The following TOR1B variants were observed in gnomAD, a reference collection of about 807,000 sequenced individuals.
TOR1B encodes the protein torsin-1B.
A neutral mutation model predicts 29.2 loss-of-function variants in TOR1B; 14 were observed. The observed-to-expected ratio is 0.48, with a 90% confidence interval of 0.32 to 0.75. The LOEUF is 0.75. Among genes scored for constraint, TOR1B ranks in the 30% least tolerant of loss-of-function variants. The pLI, the probability that TOR1B is intolerant of heterozygous loss-of-function variation, is 0.04. For synonymous variants in TOR1B, 166 were observed against 179.8 expected, an observed-to-expected ratio of 0.92 and a Z score of 0.62; for missense variants, 400 against 433.9, an observed-to-expected ratio of 0.92 and a Z score of 0.69.
chr9:129,803,416 G>GGC lies in TOR1B; in HGVS notation c.199+15_199+16dup, dbSNP rs746773468. 8.6e-6 allele frequency: 13 copies of GGC among 1,518,266 alleles called. No individual in the cohort carries two copies. Among genetic ancestry groups the GGC allele is most frequent in the African/African-American group, 4.3e-5 (3 of 69,860 alleles). 94.0% of individuals were successfully genotyped at this position (1,518,266 alleles called of 1,614,324 possible). On this transcript the variant is annotated splice_donor_region_variant and intron_variant, in intron 1 of 4. Transcript: ENST00000259339. ...AGCGGCCGCTCAACGCTTCGGGTAC[G>GGC]GCGCGCGCGCGAGCTGTGGGTCGGC...
At chr9:129,803,967 T>C in intron 1 of TOR1B, 106 bp from the exon 2 acceptor site, 1 of 1,477,510 alleles carries the variant, frequency 6.8e-7, no homozygotes, top group South Asian at 1.3e-5. Flanking sequence ...CCCTGCTGTG[T>C]CCCTGGATAA....
chr9:129,804,004 A>T, intron 1 of TOR1B, 69 bp from the exon 2 acceptor site: 1 of 1,591,090 alleles, frequency 6.3e-7, no homozygotes, highest in Non-Finnish European at 8.6e-7. Context: ...TGGCCAGCTA[A>T]GAAAGTGCTG....
Position 129,810,660 on chromosome 9 carries a change from C to G in TOR1B, c.*1077C>G, listed in dbSNP as rs529353272. 25 of 179,140 alleles carry G rather than the reference C, an allele frequency of 1.4e-4. No homozygotes were observed. The highest frequency in any genetic ancestry group is 5.4e-4 in the South Asian group (4 of 7,444). The allele number at this position is 179,140 out of a possible 1,614,324, so 11.1% of individuals were successfully genotyped here. A position where few individuals can be genotyped will look rare whatever the true frequency, so the allele number is the denominator to read the frequency against. On this transcript the variant is annotated 3_prime_UTR_variant, in exon 5 of 5. Coordinates refer to ENST00000259339, the MANE Select transcript of TOR1B (RefSeq NM_014506.3). ...AATCTCTCACTTTATTTTGTAGAAC[C>G]ATTTGAAATCCTAGGATGTGCTTGT...
Position 129,810,333 on chromosome 9 carries a change from A to AC in TOR1B, c.*752dup. 1 of 1,107,464 alleles carries AC rather than the reference A, an allele frequency of 9.0e-7. No homozygotes were observed. Among genetic ancestry groups the AC allele is most frequent in the Non-Finnish European group, 1.2e-6 (1 of 848,658 alleles). The allele number at this position is 1,107,464 out of a possible 1,614,324, so 68.6% of individuals were successfully genotyped here. ...CGCCGAGCACTCTTGATCTGAGCTG[A>AC]CCTGTGTGTGTGTGTGTGGGGGGGT... On this transcript the variant is annotated 3_prime_UTR_variant, in exon 5 of 5. Transcript: ENST00000259339.
intron 4 of TOR1B, 63 bp from the exon 5 acceptor site, chr9:129,809,279 C>A: frequency 6.2e-7 from 1 of 1,606,422 alleles, no homozygotes; most frequent in South Asian, 1.1e-5. Context: ...TGCTGAGGGT[C>A]GGGACTGGAG....
chr9:129,803,794 T>A (rs1376276413), intron 1 of TOR1B, among the ~76,000 whole-genome samples: 1 of 152,190 alleles, frequency 6.6e-6, no homozygotes, highest in African/African-American at 2.4e-5. Flanking sequence ...TTCCTGCAGG[T>A]CAGCAAGGGT....
At chr9:129,808,849 G>A (rs2030658554) in intron 3 of TOR1B, 56 bp from the exon 4 acceptor site, 2 of 1,603,260 alleles carry the variant, frequency 1.2e-6, no homozygotes, top group East Asian at 4.5e-5. Flanking sequence ...ACCACACCCA[G>A]CAGACACAGA....
chr9:129,803,524 C>A, intron 1 of TOR1B, 113 bp downstream of exon 1: 1 of 1,108,594 alleles, frequency 9.0e-7, no homozygotes, highest in Non-Finnish European at 1.1e-6. Context: ...GGCATCTAGA[C>A]GGCGGTGGTC....
chr9:129,803,200 T>C lies in TOR1B; in HGVS notation c.-13T>C, dbSNP rs576450886. The C allele has an allele frequency of 4.6e-4, 672 of 1,451,364 alleles. No homozygotes were observed. The highest frequency in any genetic ancestry group is 5.6e-4 in the Non-Finnish European group (622 of 1,107,196). The allele number at this position is 1,451,364 out of a possible 1,614,324, so 89.9% of individuals were successfully genotyped here. The stretch of plus-strand genomic sequence containing the variant: ...GCCTGGCTCAGTGGCTTCTGCGGGC[T>C]TCGAGGAGCGGGATGTTGCGGGCTG... On this transcript the variant is annotated 5_prime_UTR_variant, in exon 1 of 5. Coordinates refer to ENST00000259339, the MANE Select transcript of TOR1B (RefSeq NM_014506.3).
intron 2 of TOR1B, among the ~76,000 whole-genome samples, chr9:129,805,645 G>T (rs1024610117): frequency 6.6e-6 from 1 of 152,214 alleles, no homozygotes; most frequent in African/African-American, 2.4e-5. Context: ...CTCCGGTGTG[G>T]CTTCATTCAA....
intron 2 of TOR1B, 190 bp downstream of exon 2, chr9:129,804,528 A>G: frequency 1.4e-6 from 1 of 700,274 alleles, no homozygotes; most frequent in Non-Finnish European, 2.3e-6. Flanking sequence ...GTTCCAAAAC[A>G]GTCCAGTGGG....
intron 4 of TOR1B, 136 bp downstream of exon 4, chr9:129,809,168 T>C: frequency 1.3e-6 from 2 of 1,513,578 alleles, no homozygotes; most frequent in African/African-American, 1.4e-5. Flanking sequence ...TCTTAGGGCA[T>C]ACTGTGCTAG....
Position 129,804,339 on chromosome 9 carries a change from G to T in TOR1B, c.465+1G>T. On this transcript the variant is annotated splice_donor_variant, in intron 2 of 4. Coordinates refer to ENST00000259339, the MANE Select transcript of TOR1B (RefSeq NM_014506.3). LOFTEE classifies it high-confidence loss of function. ...TGAGCAGAAGATAAAACTGTACCAG[G>T]CAAGAGAACCCGCTATTATCTCGTC... The T allele has an allele frequency of 6.2e-7, 1 of 1,609,454 alleles. No homozygotes were observed. The highest frequency in any genetic ancestry group is 1.1e-5 in the South Asian group (1 of 91,040).
At position 129,809,879 on chromosome 9, in the gene TOR1B, C is replaced by CT. The variant is rs2030744248; in HGVS notation, c.*297dup. On this transcript the variant is annotated 3_prime_UTR_variant, in exon 5 of 5. Coordinates refer to ENST00000259339, the MANE Select transcript of TOR1B (RefSeq NM_014506.3). ...ACTGTGCCCAGCTGGGATATAGAATCTAAGAGTTGATTGTGGAAAACACGT... is the reference window on the plus strand; with the variant it reads ...ACTGTGCCCAGCTGGGATATAGAATCTTAAGAGTTGATTGTGGAAAACACGT... 4 of 1,284,770 alleles carry CT rather than the reference C, an allele frequency of 3.1e-6. No homozygotes were observed. Among genetic ancestry groups the CT allele is most frequent in the Non-Finnish European group, 4.0e-6 (4 of 1,005,746 alleles). 79.6% of individuals were successfully genotyped at this position (1,284,770 alleles called of 1,614,324 possible).
At chr9:129,805,729 T>C (rs2030443567) in intron 2 of TOR1B, among the ~76,000 whole-genome samples, 1 of 152,240 alleles carries the variant, frequency 6.6e-6, no homozygotes, top group Non-Finnish European at 1.5e-5. Flanking sequence ...TTTTTTCTCC[T>C]TAACAGGTTT....
chr9:129,809,001 ACTGT>A lies in TOR1B; in HGVS notation c.744_747del (p.Val249GlufsTer15). The A allele has an allele frequency of 6.2e-7, 1 of 1,613,822 alleles. No individual in the cohort carries two copies. The highest frequency in any genetic ancestry group is 1.1e-5 in the South Asian group (1 of 91,072). On this transcript the variant is annotated frameshift_variant, in exon 4 of 5. Coordinates refer to ENST00000259339, the MANE Select transcript of TOR1B (RefSeq NM_014506.3). LOFTEE classifies it high-confidence loss of function. ...TTCAGCTGAAGGACCTGGAACCTGT[ACTGT>A]CTGTCGGAGTCTTCAATAATAAACA...
At position 129,809,562 on chromosome 9, in the gene TOR1B, G is replaced by A; in HGVS notation, c.990G>A (p.Gln330=). 1 of 1,614,248 alleles carries A rather than the reference G, an allele frequency of 6.2e-7. No homozygotes were observed. The highest frequency in any genetic ancestry group is 8.5e-7 in the Non-Finnish European group (1 of 1,180,054). ...IYSDKGCKTV[Q]SRLDFH ...CAGACAAGGGCTGCAAGACTGTGCAGTCGCGGCTGGATTTCCACTGAGCTC... is the reference window on the plus strand; with the variant it reads ...CAGACAAGGGCTGCAAGACTGTGCAATCGCGGCTGGATTTCCACTGAGCTC... The change falls in exon 5 of 5, where the codon CAG becomes CAA. Residue 330 remains glutamine, a synonymous_variant. Coordinates refer to ENST00000259339, the MANE Select transcript of TOR1B (RefSeq NM_014506.3).
rs2287368 is a variant in TOR1B at position 129,810,354 on chromosome 9, G to T, written c.*771G>T. Reference sequence around the variant, plus strand: ...GCTGACCTGTGTGTGTGTGTGTGGGGGGGTGGGGCCTTCACCTAAGACCTC... The same window carrying T: ...GCTGACCTGTGTGTGTGTGTGTGGGTGGGTGGGGCCTTCACCTAAGACCTC... On this transcript the variant is annotated 3_prime_UTR_variant, in exon 5 of 5. Coordinates refer to ENST00000259339, the MANE Select transcript of TOR1B (RefSeq NM_014506.3). 23 of 1,077,236 alleles carry T rather than the reference G, an allele frequency of 2.1e-5. 1 individual carries two copies. Among genetic ancestry groups the T allele is most frequent in the East Asian group, 6.3e-5 (1 of 15,786 alleles). The allele number at this position is 1,077,236 out of a possible 1,614,324, so 66.7% of individuals were successfully genotyped here. A position where few individuals can be genotyped will look rare whatever the true frequency, so the allele number is the denominator to read the frequency against.
In TOR1B at chr9:129,810,078, C is replaced by T. The variant is rs2030755953; in HGVS notation, c.*495C>T. 24 of 1,256,000 alleles carry T rather than the reference C, an allele frequency of 1.9e-5. No homozygotes were observed. The highest frequency in any genetic ancestry group is 2.8e-4 in the Middle Eastern group (1 of 3,516). The allele number at this position is 1,256,000 out of a possible 1,614,324, so 77.8% of individuals were successfully genotyped here. On this transcript the variant is annotated 3_prime_UTR_variant, in exon 5 of 5. Transcript: ENST00000259339. ...GCAATAGCTTCTGACCCACAGCACC[C>T]GCGCCTCAGAAGCTACGGTCACAAC...
Sources: gnomAD v4.1 joint callset for allele counts (sites outside exome capture counted in the v4.1 genomes callset) on GRCh38, gnomAD v4.1.1 for gene constraint, MANE v1.5 for transcripts, NCBI Gene and HGNC (gene_info 2026-07-23, HGNC 2026-07-21) for gene names.